Variants in ZRANB1 observed in about 807,000 individuals in gnomAD.
The protein encoded by ZRANB1 is ubiquitin thioesterase ZRANB1.
In ZRANB1, 16 loss-of-function variants were observed where a neutral mutation model predicts 80.5. The observed-to-expected ratio is 0.20, with a 90% confidence interval of 0.13 to 0.30. The LOEUF (loss-of-function observed/expected upper bound fraction) is 0.30, where lower values mean the gene tolerates loss of function less well. ZRANB1 is among the 10% of genes least tolerant of loss of function. ZRANB1 has a pLI of 1.00. For missense variants in ZRANB1, 576 were observed against 862.6 expected (o/e 0.67, Z 4.16); for synonymous variants, 291 against 293.1 (o/e 0.99, Z 0.07).
intron 1 of ZRANB1, among the ~76,000 whole-genome samples, chr10:124,954,506 G>A (rs1220510009): frequency 1.4e-5 from 2 of 145,004 alleles, no homozygotes; most frequent in African/African-American, 2.6e-5. Context: ...GGAGTGTAGT[G>A]GTGTAACCTC....
intron 1 of ZRANB1, 57 bp downstream of exon 1, chr10:124,943,364 T>C: frequency 6.6e-7 from 1 of 1,517,162 alleles, no homozygotes; most frequent in Non-Finnish European, 8.9e-7. Flanking sequence ...GTAAAAATGA[T>C]ATGAAAAGAG....
In ZRANB1 at chr10:124,966,583, G is replaced by T. The variant is rs370234531; in HGVS notation, c.815-11G>T. 4 of 1,607,058 alleles carry T rather than the reference G, an allele frequency of 2.5e-6. No homozygotes were observed. In the African/African-American group the frequency reaches 4.0e-5, roughly 16 times the overall value. On this transcript the variant is annotated splice_polypyrimidine_tract_variant and intron_variant, in intron 1 of 8. Transcript: ENST00000359653. The stretch of plus-strand genomic sequence containing the variant: ...GAATTAAATGCTTTTCTATCTTGAT[G>T]CTTGTTTTAGGGGTTGTAGAAGGTG...
intron 2 of ZRANB1, among the ~76,000 whole-genome samples, chr10:124,967,105 A>G (rs1951783394): frequency 6.6e-6 from 1 of 152,214 alleles, no homozygotes; most frequent in African/African-American, 2.4e-5. Context: ...AAGGGATACA[A>G]TTGTAAAGAT....
upstream of ZRANB1, chr10:124,940,486 A>G: frequency 7.8e-7 from 1 of 1,288,068 alleles, no homozygotes; most frequent in Non-Finnish European, 1.0e-6. Flanking sequence ...CTGATTTGCA[A>G]ACCGTACTTT....
intron 1 of ZRANB1, among the ~76,000 whole-genome samples, chr10:124,949,245 T>C (rs1951610232): frequency 6.6e-6 from 1 of 152,184 alleles, no homozygotes; most frequent in African/African-American, 2.4e-5. Context: ...AAATATTTTA[T>C]TCAGTTGTCA....
rs942438563 is a variant in ZRANB1, at chr10:124,986,390, G to A, written c.*1398G>A. On this transcript the variant is annotated 3_prime_UTR_variant, in exon 9 of 9. Transcript: ENST00000359653. ...AAAGTATTTGCTTGCTTCTTGTTTT[G>A]TTTAGTTGATAATGAAATGTGTACA... 18 of 151,852 alleles carry A rather than the reference G, an allele frequency of 1.2e-4. No homozygotes were observed. Among genetic ancestry groups the A allele is most frequent in the African/African-American group, 4.4e-4 (18 of 41,198 alleles). The allele number at this position is 151,852 out of a possible 1,614,324, so 9.4% of individuals were successfully genotyped here. A position where few individuals can be genotyped will look rare whatever the true frequency, so the allele number is the denominator to read the frequency against.
chr10:124,950,739 G>A (rs1270977556), intron 1 of ZRANB1, among the ~76,000 whole-genome samples: 1 of 152,152 alleles, frequency 6.6e-6, no homozygotes, highest in Non-Finnish European at 1.5e-5. Flanking sequence ...CACTGTGGGA[G>A]GTTGAGAAGA....
At chr10:124,952,122 G>A (rs1951643709) in intron 1 of ZRANB1, among the ~76,000 whole-genome samples, 1 of 152,112 alleles carries the variant, frequency 6.6e-6, no homozygotes, top group South Asian at 2.1e-4. Flanking sequence ...AATATAAATA[G>A]AGTGGCAGGC....
the ZRANB1 span, among the ~76,000 whole-genome samples, chr10:124,935,592 T>C: frequency 3.3e-5 from 5 of 152,266 alleles, no homozygotes; most frequent in Non-Finnish European, 7.3e-5. Flanking sequence ...TGGGCCCTAG[T>C]GCCTGTGGCT....
chr10:124,957,592 T>G (rs1356486755), intron 1 of ZRANB1, among the ~76,000 whole-genome samples: 1 of 152,184 alleles, frequency 6.6e-6, no homozygotes, highest in African/African-American at 2.4e-5. Context: ...ACAACTGTCA[T>G]TCTACTTCCT....
rs779843987 is a variant in ZRANB1 at position 124,943,135 on chromosome 10, G to A, written c.642G>A (p.Arg214=). 1.7e-5 allele frequency: 27 copies of A among 1,614,076 alleles called. No individual in the cohort carries two copies. Among genetic ancestry groups the A allele is most frequent in the Non-Finnish European group, 2.3e-5 (27 of 1,180,046 alleles). The change falls in exon 1 of 9, where the codon AGG becomes AGA. Residue 214 remains arginine, a synonymous_variant. Coordinates refer to ENST00000359653, the MANE Select transcript of ZRANB1 (RefSeq NM_017580.3). ...GTTGCAGTAGTGGTAATAGCCAAAGGAGATCACCTCCTGCTACGAAGCGGG... is the reference window on the plus strand; with the variant it reads ...GTTGCAGTAGTGGTAATAGCCAAAGAAGATCACCTCCTGCTACGAAGCGGG... ...RGSCSSGNSQ[R]RSPPATKRDS... is the part of the protein sequence containing the mutation.
At chr10:124,947,814 C>T (rs1244766520) in intron 1 of ZRANB1, among the ~76,000 whole-genome samples, 1 of 152,168 alleles carries the variant, frequency 6.6e-6, no homozygotes. Flanking sequence ...TATATCTGTA[C>T]TCTGACCACT....
chr10:124,981,326 C>A (rs1035933103), intron 5 of ZRANB1: 1 of 153,434 alleles, frequency 6.5e-6, no homozygotes, highest in African/African-American at 2.4e-5. Flanking sequence ...TACAAGTGAT[C>A]AAGTAGGTGG....
intron 5 of ZRANB1, among the ~76,000 whole-genome samples, chr10:124,975,709 T>A (rs1951871203): frequency 6.6e-6 from 1 of 152,130 alleles, no homozygotes; most frequent in Non-Finnish European, 1.5e-5. Flanking sequence ...GATCAAAGCA[T>A]AATGCAGTAT....
At chr10:124,972,216 T>A in intron 3 of ZRANB1, 98 bp downstream of exon 3, 1 of 1,088,770 alleles carries the variant, frequency 9.2e-7, no homozygotes, top group Non-Finnish European at 1.3e-6. Context: ...GCACATAACA[T>A]AGCTACTGTA....
chr10:124,947,985 A>G (rs1024695812), intron 1 of ZRANB1, among the ~76,000 whole-genome samples: 1 of 152,154 alleles, frequency 6.6e-6, no homozygotes, highest in African/African-American at 2.4e-5. Context: ...GGCCATCTAC[A>G]TGCTCTGTAT....
the ZRANB1 span, among the ~76,000 whole-genome samples, chr10:124,923,586 A>G: frequency 2.6e-5 from 4 of 151,980 alleles, no homozygotes; most frequent in African/African-American, 7.3e-5. Context: ...GAAAAGAAAA[A>G]GAACTACCTG....
rs1184282213 is a variant in ZRANB1, at chr10:124,943,365, A to G, written c.814+58A>G. 4 of 1,515,758 alleles carry G rather than the reference A, an allele frequency of 2.6e-6. No individual in the cohort carries two copies. The highest frequency in any genetic ancestry group is 3.8e-5 in the Admixed American group (2 of 52,364). 93.9% of individuals were successfully genotyped at this position (1,515,758 alleles called of 1,614,324 possible). On this transcript the variant is annotated intron_variant, in intron 1 of 8. Coordinates refer to ENST00000359653, the MANE Select transcript of ZRANB1 (RefSeq NM_017580.3). ...GATGGGAAAAGGTAGTAAAAATGAT[A>G]TGAAAAGAGCTGGGTGCGCTGACAC...
the ZRANB1 span, among the ~76,000 whole-genome samples, chr10:124,932,916 T>C: frequency 6.6e-6 from 1 of 152,126 alleles, no homozygotes. Context: ...ATATATATTC[T>C]TCGGTGAGGT....
Sources: allele counts gnomAD v4.1 joint callset (sites outside exome capture counted in the v4.1 genomes callset), GRCh38; gene constraint gnomAD v4.1.1; transcripts MANE v1.5; gene names NCBI Gene and HGNC (gene_info 2026-07-23, HGNC 2026-07-21).